The following CTNNAL1 variants were observed in gnomAD, a reference collection of about 807,000 sequenced individuals.
CTNNAL1 encodes the protein catenin alpha like 1, also known as alpha-catulin.
Under a neutral mutation model 93.6 loss-of-function variants are expected in CTNNAL1, and 69 were observed. That is an observed-to-expected ratio of 0.74 (90% CI 0.61 to 0.90). The LOEUF is 0.90. Ranked by LOEUF, CTNNAL1 falls within the 40% of genes least tolerant of loss-of-function variation. CTNNAL1 has a pLI of 0.00. For missense variants in CTNNAL1, 836 were observed against 862.0 expected, an observed-to-expected ratio of 0.97 and a Z score of 0.38; for synonymous variants, 286 against 305.4, an observed-to-expected ratio of 0.94 and a Z score of 0.66.
intron 2 of CTNNAL1, among the ~76,000 whole-genome samples, chr9:108,997,656 G>A (rs566439347): frequency 9.2e-5 from 14 of 152,202 alleles, no homozygotes; most frequent in Admixed American, 3.3e-4. Context: ...CTCCCTCAGA[G>A]TTCCTCATCT....
chr9:109,006,055 ATGTTTAT>A (rs768267016), intron 1 of CTNNAL1, among the ~76,000 whole-genome samples: 14 of 152,244 alleles, frequency 9.2e-5, no homozygotes, highest in African/African-American at 1.7e-4. Flanking sequence ...AAAGTTATAC[ATGTTTAT>A]TGTTTATAAA....
chr9:109,004,786 GA>G (rs200653091), intron 1 of CTNNAL1, among the ~76,000 whole-genome samples: 101 of 151,094 alleles, frequency 6.7e-4, no homozygotes, highest in African/African-American at 2.2e-3. Context: ...ACTCTGTCTT[GA>G]AAAAAATAAA....
chr9:108,977,038 T>C lies in CTNNAL1; in HGVS notation c.1112A>G (p.Lys371Arg), dbSNP rs1831287643. 4 of 1,523,108 alleles carry C rather than the reference T, an allele frequency of 2.6e-6. No individual in the cohort carries two copies. Among genetic ancestry groups the C allele is most frequent in the Non-Finnish European group, 3.5e-6 (4 of 1,134,100 alleles). 94.3% of individuals were successfully genotyped at this position (1,523,108 alleles called of 1,614,324 possible). Residue 371 changes from lysine to arginine, a missense_variant, in exon 8 of 19, where the codon AAA becomes AGA. Coordinates refer to ENST00000325551, the MANE Select transcript of CTNNAL1 (RefSeq NM_003798.4). ...CAGTTCTTCAGCGATGCTTTTTGTTTTCTTGCTTTGCTAAAAATTTTAAAA... is the reference window on the plus strand; with the variant it reads ...CAGTTCTTCAGCGATGCTTTTTGTTCTCTTGCTTTGCTAAAAATTTTAAAA... ...ISVWIQAQSKKTKSIAEELEL... is the reference protein window; with the variant it reads ...ISVWIQAQSKRTKSIAEELEL...
rs939006588 is a variant in CTNNAL1 at position 109,001,855 on chromosome 9, GATA to G, written c.142-2602_142-2600del. ...TAGAATTAACCCACAGAAACCATAA[GATA>G]ATGTTTGTTGTTTTAATGCACTAAA... On this transcript the variant is annotated intron_variant, in intron 1 of 18. Transcript: ENST00000325551. Among the ~76,000 whole-genome samples the G allele has an allele frequency of 3.3e-5, 5 of 152,156 alleles. 1 individual carries two copies. In the South Asian group the frequency reaches 6.2e-4, roughly 19 times the overall value.
intron 15 of CTNNAL1, among the ~76,000 whole-genome samples, chr9:108,944,838 T>C (rs1235829181): frequency 1.3e-5 from 2 of 152,198 alleles, no homozygotes; most frequent in Non-Finnish European, 2.9e-5. Flanking sequence ...GGTTAATTTT[T>C]ACCCTCTATT....
At chr9:108,988,059 C>T (rs554598460) in intron 4 of CTNNAL1, among the ~76,000 whole-genome samples, 1 of 152,288 alleles carries the variant, frequency 6.6e-6, no homozygotes, top group African/African-American at 2.4e-5. Context: ...GAACTTCCAA[C>T]ACTATGTTGA....
chr9:108,964,257 T>C (rs1830894181), intron 11 of CTNNAL1, among the ~76,000 whole-genome samples: 1 of 152,188 alleles, frequency 6.6e-6, no homozygotes, highest in African/African-American at 2.4e-5. Context: ...TATAATTCTA[T>C]TATGCCCTGA....
intron 12 of CTNNAL1, among the ~76,000 whole-genome samples, chr9:108,953,486 A>C (rs950819851): frequency 6.6e-6 from 1 of 151,914 alleles, no homozygotes; most frequent in African/African-American, 2.4e-5. Flanking sequence ...TTGGGTATGG[A>C]TTCACATACC....
chr9:108,995,692 C>T, intron 2 of CTNNAL1, among the ~76,000 whole-genome samples: 1 of 151,756 alleles, frequency 6.6e-6, no homozygotes, highest in East Asian at 1.9e-4. Flanking sequence ...GCCTGGTAGC[C>T]AAGTAAAAAG....
chr9:109,008,020 CAGTGACAG>C (rs755683163), intron 1 of CTNNAL1, among the ~76,000 whole-genome samples: 1 of 151,996 alleles, frequency 6.6e-6, no homozygotes, highest in African/African-American at 2.4e-5. Flanking sequence ...TTATTCATTT[CAGTGACAG>C]AGTATATCAT....
intron 6 of CTNNAL1, among the ~76,000 whole-genome samples, chr9:108,980,184 C>T (rs149528126): frequency 2.0e-3 from 302 of 152,326 alleles, no homozygotes; most frequent in African/African-American, 7.0e-3. Flanking sequence ...ATATACTTCT[C>T]TAACAGTCTA....
chr9:108,950,656 A>C, intron 14 of CTNNAL1: 1 of 1,529,002 alleles, frequency 6.5e-7, no homozygotes, highest in Non-Finnish European at 8.8e-7. Context: ...CTGCTGCCTC[A>C]CCTATCCCAT....
intron 3 of CTNNAL1, 103 bp downstream of exon 3, chr9:108,992,529 C>G: frequency 7.3e-7 from 1 of 1,378,588 alleles, no homozygotes; most frequent in South Asian, 1.5e-5. Flanking sequence ...TAGCTGCATT[C>G]TTCATCGACA....
chr9:108,972,856 GGGGGTGGGAGGGT>G, intron 8 of CTNNAL1, 23 bp from the exon 9 acceptor site: 1 of 576,872 alleles, frequency 1.7e-6, no homozygotes. Context: ...GTGTGGGTGG[GGGGGTGGGAGGGT>G]GGAGAAGGAG....
chr9:108,950,817 A>C, intron 14 of CTNNAL1: 1 of 525,288 alleles, frequency 1.9e-6, no homozygotes, highest in Non-Finnish European at 3.3e-6. Context: ...TTTTATAGAG[A>C]TACATTGTGT....
At chr9:108,960,743 C>A (rs904211859) in intron 11 of CTNNAL1, among the ~76,000 whole-genome samples, 2 of 152,126 alleles carry the variant, frequency 1.3e-5, no homozygotes, top group African/African-American at 4.8e-5. Context: ...CACTTATTAT[C>A]CAAAATAATC....
chr9:108,966,402 C>G lies in CTNNAL1; in HGVS notation c.1441-874G>C, dbSNP rs557067637. Among the ~76,000 whole-genome samples the G allele has an allele frequency of 2.6e-5, 4 of 152,346 alleles. No individual in the cohort carries two copies. The East Asian group carries it at 7.7e-4, about 29-fold the overall frequency. On this transcript the variant is annotated intron_variant, in intron 10 of 18. Transcript: ENST00000325551. ...AGGAAGATTACATTTCCCAGCCTCC[C>G]TGGTGGAGACATATGGCCACGAGAC...
chr9:108,977,023 G>T lies in CTNNAL1; in HGVS notation c.1127C>A (p.Ala376Asp). The T allele has an allele frequency of 6.5e-7, 1 of 1,535,682 alleles. No individual in the cohort carries two copies. The highest frequency in any genetic ancestry group is 2.4e-5 in the East Asian group (1 of 41,540). The change falls in exon 8 of 19, where the codon GCT becomes GAT. Residue 376 changes from alanine (A) to aspartate (D), a missense_variant. By Grantham distance (126) the Ala-to-Asp change is moderately radical (BLOSUM62 -2). Transcript: ENST00000325551. ...QAQSKKTKSI[A>D]EELELSILKI... ...CAAAATACTGAGTTCCAGTTCTTCAGCGATGCTTTTTGTTTTCTTGCTTTG... is the reference window on the plus strand; with the variant it reads ...CAAAATACTGAGTTCCAGTTCTTCATCGATGCTTTTTGTTTTCTTGCTTTG...
intron 11 of CTNNAL1, among the ~76,000 whole-genome samples, chr9:108,957,116 A>ATTT (rs760444621): frequency 3.0e-5 from 4 of 132,494 alleles, no homozygotes; most frequent in African/African-American, 5.5e-5. Flanking sequence ...GCCTGTTAGA[A>ATTT]TTTTTTTTTT....
Sources: gnomAD v4.1 joint callset for allele counts (sites outside exome capture counted in the v4.1 genomes callset) on GRCh38, gnomAD v4.1.1 for gene constraint, MANE v1.5 for transcripts, NCBI Gene and HGNC (gene_info 2026-07-23, HGNC 2026-07-21) for gene names.